CCDC15: variants seen among roughly 807,000 people sequenced by gnomAD.
The protein encoded by CCDC15 is coiled-coil domain-containing protein 15.
CCDC15 carries 105 observed loss-of-function variants against 114.5 expected under a neutral mutation model. The observed-to-expected ratio is 0.92, with a 90% CI of 0.78 to 1.08. The LOEUF is 1.08. Among genes scored for constraint, CCDC15 ranks in the 50% least tolerant of loss-of-function variants. The probability of loss-of-function intolerance (pLI) is 0.00; values close to 1 mark genes in which losing one functional copy is unlikely to be tolerated. For synonymous variants in CCDC15, 334 were observed against 377.8 expected (o/e 0.88, Z 1.34); for missense variants, 1,105 against 1,093.6 (o/e 1.01, Z -0.15).
chr11:124,990,886 G>A (rs915397678), intron 8 of CCDC15, among the ~76,000 whole-genome samples: 1 of 152,184 alleles, frequency 6.6e-6, no homozygotes, highest in Non-Finnish European at 1.5e-5. Context: ...AGATGAGTTA[G>A]ACTAAAAGGA....
At chr11:125,012,294 A>T (rs1285874496) in intron 13 of CCDC15, among the ~76,000 whole-genome samples, 2 of 152,198 alleles carry the variant, frequency 1.3e-5, no homozygotes, top group Admixed American at 1.3e-4. Flanking sequence ...TGGGACTATT[A>T]AAAATGTGGG....
intron 2 of CCDC15, among the ~76,000 whole-genome samples, chr11:124,956,860 A>T (rs1947561495): frequency 6.6e-6 from 1 of 152,186 alleles, no homozygotes; most frequent in Admixed American, 6.5e-5. Context: ...AATGCTGAAT[A>T]GTTACTTCTA....
intron 11 of CCDC15, among the ~76,000 whole-genome samples, chr11:124,997,197 T>C (rs546315602): frequency 1.3e-5 from 2 of 152,308 alleles, no homozygotes; most frequent in South Asian, 4.1e-4. Flanking sequence ...CTACAACAAA[T>C]ATCGAAAAAA....
chr11:125,033,716 TA>T (rs58655792), intron 13 of CCDC15, among the ~76,000 whole-genome samples: 1 of 151,610 alleles, frequency 6.6e-6, no homozygotes, highest in Non-Finnish European at 1.5e-5. Flanking sequence ...GGCCATCTTT[TA>T]AAAAGCTATA....
intron 13 of CCDC15, among the ~76,000 whole-genome samples, chr11:125,030,651 C>G (rs1256394366): frequency 6.6e-6 from 1 of 152,184 alleles, no homozygotes; most frequent in Non-Finnish European, 1.5e-5. Context: ...AGGAATGGTG[C>G]CATATTGAGG....
At chr11:125,018,194 T>A (rs1016036288) in intron 13 of CCDC15, among the ~76,000 whole-genome samples, 2 of 152,122 alleles carry the variant, frequency 1.3e-5, no homozygotes, top group African/African-American at 4.8e-5. Flanking sequence ...AGTGCCTTAT[T>A]TAAGTATAAT....
intron 14 of CCDC15, 114 bp from the exon 15 acceptor site, chr11:125,038,807 C>T: frequency 7.6e-7 from 1 of 1,311,692 alleles, no homozygotes; most frequent in Non-Finnish European, 1.1e-6. Context: ...GAGGAAATGT[C>T]AAGGCCCAGA....
In CCDC15 at chr11:124,992,542, T is replaced by C. The variant is rs1948287968; in HGVS notation, c.2032-38T>C. 8.7e-6 allele frequency: 11 copies of C among 1,270,382 alleles called. No homozygotes were observed. The East Asian group carries it at 2.7e-4, about 31-fold the overall frequency. 78.7% of individuals were successfully genotyped at this position (1,270,382 alleles called of 1,614,324 possible). On this transcript the variant is annotated intron_variant, in intron 9 of 15. Coordinates refer to ENST00000344762, the MANE Select transcript of CCDC15 (RefSeq NM_025004.3). ...TATGATTAGCATTACACAATTTTTT[T>C]TCTGTTGTTGTTTTTCCTTTAAAAT...
chr11:124,997,685 TAATCC>T (rs1948398276), intron 11 of CCDC15, among the ~76,000 whole-genome samples: 3 of 152,220 alleles, frequency 2.0e-5, no homozygotes, highest in Admixed American at 2.0e-4. Context: ...CTCATGCCTA[TAATCC>T]CAGCACTTTG....
At chr11:124,980,951 G>C (rs958936635) in intron 6 of CCDC15, among the ~76,000 whole-genome samples, 3 of 152,088 alleles carry the variant, frequency 2.0e-5, no homozygotes, top group Non-Finnish European at 4.4e-5. Flanking sequence ...ACAGATTCTG[G>C]TATGTTGTAT....
At chr11:124,993,683 A>G (rs1401524765) in intron 11 of CCDC15, among the ~76,000 whole-genome samples, 1 of 152,220 alleles carries the variant, frequency 6.6e-6, no homozygotes, top group Non-Finnish European at 1.5e-5. Flanking sequence ...GAGCAGGTAG[A>G]GCAGGGTGTA....
At chr11:124,974,655 A>G (rs1268690379) in intron 4 of CCDC15, among the ~76,000 whole-genome samples, 3 of 152,128 alleles carry the variant, frequency 2.0e-5, no homozygotes, top group Non-Finnish European at 2.9e-5. Context: ...AAAGGGCTTT[A>G]AGGAAACTAG....
intron 4 of CCDC15, among the ~76,000 whole-genome samples, chr11:124,967,508 G>A (rs559096512): frequency 6.8e-4 from 104 of 152,256 alleles, no homozygotes; most frequent in Middle Eastern, 3.4e-3. Flanking sequence ...TCTCTACACT[G>A]TTTATTCTAG....
intron 13 of CCDC15, among the ~76,000 whole-genome samples, chr11:125,005,862 C>T (rs1356510431): frequency 3.9e-5 from 6 of 152,044 alleles, no homozygotes; most frequent in African/African-American, 7.2e-5. Flanking sequence ...TATGCATGTA[C>T]GTTTCCTCTA....
chr11:124,980,310 T>A (rs937549232), intron 6 of CCDC15, among the ~76,000 whole-genome samples: 2 of 152,220 alleles, frequency 1.3e-5, no homozygotes, highest in Non-Finnish European at 2.9e-5. Context: ...GACTTCCTCC[T>A]CCTCAATCTT....
At chr11:125,013,464 A>T (rs1004610159) in intron 13 of CCDC15, among the ~76,000 whole-genome samples, 3 of 152,168 alleles carry the variant, frequency 2.0e-5, no homozygotes, top group Non-Finnish European at 4.4e-5. Flanking sequence ...AAAAAAGAAA[A>T]CTAAGGCAGA....
intron 4 of CCDC15, among the ~76,000 whole-genome samples, chr11:124,971,770 C>G (rs1344392146): frequency 6.6e-6 from 1 of 152,088 alleles, no homozygotes; most frequent in Non-Finnish European, 1.5e-5. Flanking sequence ...TCCTCAGAAG[C>G]AACTATTTGC....
intron 13 of CCDC15, among the ~76,000 whole-genome samples, chr11:125,016,680 G>T (rs754381977): frequency 2.0e-5 from 3 of 152,140 alleles, no homozygotes; most frequent in Non-Finnish European, 2.9e-5. Context: ...CAGGCTAGCA[G>T]GTAAAAGTCA....
At chr11:125,015,610 A>G (rs1244922159) in intron 13 of CCDC15, among the ~76,000 whole-genome samples, 3 of 152,222 alleles carry the variant, frequency 2.0e-5, no homozygotes, top group African/African-American at 7.2e-5. Context: ...AGAAAAATCC[A>G]GGTTCAGATT....
Sources: gnomAD v4.1 joint callset for allele counts (sites outside exome capture counted in the v4.1 genomes callset) on GRCh38, gnomAD v4.1.1 for gene constraint, MANE v1.5 for transcripts, NCBI Gene and HGNC (gene_info 2026-07-23, HGNC 2026-07-21) for gene names.